The following TRDN variants were observed in gnomAD, a reference collection of about 807,000 sequenced individuals.
TRDN encodes triadin in skeletal muscle.
In TRDN, 161 loss-of-function variants were observed where a neutral mutation model predicts 149.7. The observed-to-expected ratio is 1.08, with a 90% CI of 0.95 to 1.23. The LOEUF (loss-of-function observed/expected upper bound fraction) is 1.23. TRDN is among the 50% of genes most tolerant of loss of function. The pLI is 0.00. For synonymous variants in TRDN, 294 were observed against 250.5 expected (o/e 1.17, Z -1.64); for missense variants, 896 against 823.5 (o/e 1.09, Z -1.08).
chr6:123,628,867 C>T (rs1785814763), intron 1 of TRDN, among the ~76,000 whole-genome samples: 1 of 152,070 alleles, frequency 6.6e-6, no homozygotes, highest in Non-Finnish European at 1.5e-5. Flanking sequence ...CATACTGCTT[C>T]ATAAATCTAC....
At chr6:123,406,287 C>T (rs1773186219) in intron 12 of TRDN, among the ~76,000 whole-genome samples, 2 of 152,050 alleles carry the variant, frequency 1.3e-5, no homozygotes, top group South Asian at 4.1e-4. Context: ...TACTGAAAAG[C>T]TCACTCTACA....
chr6:123,280,974 A>G (rs1192717806), intron 24 of TRDN, among the ~76,000 whole-genome samples: 1 of 152,116 alleles, frequency 6.6e-6, no homozygotes, highest in Non-Finnish European at 1.5e-5. Flanking sequence ...AGTAAAACAA[A>G]TAAGGTAAAA....
intron 33 of TRDN, among the ~76,000 whole-genome samples, chr6:123,263,728 G>A (rs776482268): frequency 6.6e-6 from 1 of 152,064 alleles, no homozygotes; most frequent in Non-Finnish European, 1.5e-5. Context: ...TGGCTTCAAA[G>A]CTTCAAAAGA....
intron 6 of TRDN, among the ~76,000 whole-genome samples, chr6:123,514,958 A>C (rs1227750696): frequency 6.6e-6 from 1 of 152,024 alleles, no homozygotes; most frequent in East Asian, 1.9e-4. Context: ...GGAGAGCATT[A>C]GGACAAATAC....
intron 5 of TRDN, among the ~76,000 whole-genome samples, chr6:123,530,129 T>C (rs1780166393): frequency 1.3e-5 from 2 of 151,936 alleles, no homozygotes; most frequent in Non-Finnish European, 2.9e-5. Context: ...TGTAAAGATA[T>C]TGCATGACAG....
intron 4 of TRDN, among the ~76,000 whole-genome samples, chr6:123,540,143 A>G (rs1583211871): frequency 6.6e-6 from 1 of 152,162 alleles, no homozygotes; most frequent in African/African-American, 2.4e-5. Context: ...GCGGGGGCCC[A>G]TTTCATAGGC....
chr6:123,344,349 A>G (rs1780175764), intron 21 of TRDN, among the ~76,000 whole-genome samples: 1 of 152,078 alleles, frequency 6.6e-6, no homozygotes, highest in East Asian at 1.9e-4. Context: ...TTTTGACAAA[A>G]GTATAATGAC....
intron 20 of TRDN, among the ~76,000 whole-genome samples, chr6:123,356,572 G>T (rs1780692974): frequency 1.6e-5 from 2 of 124,560 alleles, no homozygotes; most frequent in East Asian, 2.1e-4. Context: ...CTTAAGTTTT[G>T]GTATTACAGT....
chr6:123,365,214 T>G (rs1338391171), intron 20 of TRDN, among the ~76,000 whole-genome samples: 1 of 152,178 alleles, frequency 6.6e-6, no homozygotes, highest in Non-Finnish European at 1.5e-5. Context: ...AATTATTGCC[T>G]GCAAATACAG....
chr6:123,522,892 G>A (rs1779756426), intron 5 of TRDN, among the ~76,000 whole-genome samples: 1 of 152,062 alleles, frequency 6.6e-6, no homozygotes, highest in African/African-American at 2.4e-5. Context: ...ATTCAGAGCT[G>A]GTGAAAACCT....
chr6:123,304,048 GC>G (rs1778518725), intron 24 of TRDN, among the ~76,000 whole-genome samples: 1 of 151,946 alleles, frequency 6.6e-6, no homozygotes, highest in African/African-American at 2.4e-5. Flanking sequence ...AGAAGTTTAA[GC>G]CAATGTAACT....
At chr6:123,221,656 C>T (rs1213165105) in intron 39 of TRDN, 134 bp from the exon 40 acceptor site, 2 of 451,406 alleles carry the variant, frequency 4.4e-6, no homozygotes, top group African/African-American at 4.1e-5. Flanking sequence ...TAGTATACTC[C>T]AGATTTGTAC....
Position 123,497,280 on chromosome 6 carries a change from T to A in TRDN, c.794-28A>T, listed in dbSNP as rs568339767. On this transcript the variant is annotated intron_variant, in intron 8 of 40. Coordinates refer to ENST00000334268, the MANE Select transcript of TRDN (RefSeq NM_006073.4). Reference sequence around the variant, plus strand: ...GACAGAGTAGAAAGAAAAAGAGCAATGAAAAAATGTCATCAACACTTCATT... The same window carrying A: ...GACAGAGTAGAAAGAAAAAGAGCAAAGAAAAAATGTCATCAACACTTCATT... 28 of 1,452,984 alleles carry A rather than the reference T, an allele frequency of 1.9e-5. No individual in the cohort carries two copies. In the East Asian group the frequency reaches 7.1e-4, roughly 37 times the overall value. 90.0% of individuals were successfully genotyped at this position (1,452,984 alleles called of 1,614,324 possible). A position where few individuals can be genotyped will look rare whatever the true frequency, so the allele number is the denominator to read the frequency against.
intron 24 of TRDN, among the ~76,000 whole-genome samples, chr6:123,293,664 T>C (rs1778087712): frequency 6.6e-6 from 1 of 152,100 alleles, no homozygotes; most frequent in Non-Finnish European, 1.5e-5. Flanking sequence ...AGGATAAACA[T>C]CACACCCTGT....
intron 7 of TRDN, among the ~76,000 whole-genome samples, chr6:123,508,891 G>A: frequency 6.6e-6 from 1 of 152,036 alleles, no homozygotes; most frequent in South Asian, 2.1e-4. Context: ...CACATAGAAG[G>A]CTTATGACTT....
rs766394390 is a variant in TRDN, at chr6:123,331,872, A to C, written c.1471+7T>G. 1 of 1,533,436 alleles carries C rather than the reference A, an allele frequency of 6.5e-7. No homozygotes were observed. The allele number at this position is 1,533,436 out of a possible 1,614,324, so 95.0% of individuals were successfully genotyped here. ...ATGTGGCTTCACATTTCATTGTATA[A>C]TATTACCTTTTTCCTTTAGGGAAGC... On this transcript the variant is annotated splice_region_variant and intron_variant, in intron 23 of 40. Transcript: ENST00000334268.
At chr6:123,512,387 T>A in intron 6 of TRDN, 25 bp from the exon 7 acceptor site, 1 of 1,340,308 alleles carries the variant, frequency 7.5e-7, no homozygotes, top group Non-Finnish European at 1.0e-6. Flanking sequence ...TTTACATTAG[T>A]ACACATTTTT....
At chr6:123,236,811 C>T (rs571353135) in intron 38 of TRDN, among the ~76,000 whole-genome samples, 10 of 151,984 alleles carry the variant, frequency 6.6e-5, no homozygotes, top group Non-Finnish European at 1.5e-4. Flanking sequence ...TATATCTTTG[C>T]AAATCCCATA....
intron 12 of TRDN, among the ~76,000 whole-genome samples, chr6:123,424,478 G>A (rs1385083246): frequency 6.6e-6 from 1 of 151,692 alleles, no homozygotes; most frequent in African/African-American, 2.4e-5. Context: ...TTAGCTTTCT[G>A]TCTGCGTTTT....
Sources: gnomAD v4.1 joint callset for allele counts (sites outside exome capture counted in the v4.1 genomes callset) on GRCh38, gnomAD v4.1.1 for gene constraint, MANE v1.5 for transcripts, NCBI Gene and HGNC (gene_info 2026-07-23, HGNC 2026-07-21) for gene names.